The following PHF2 variants were observed in gnomAD, a reference collection of about 807,000 sequenced individuals.
The protein encoded by PHF2 is lysine-specific demethylase PHF2.
PHF2 carries 27 observed loss-of-function variants against 120.5 expected under a neutral mutation model. The observed-to-expected ratio is 0.22, with a 90% confidence interval of 0.17 to 0.31. PHF2 has a LOEUF of 0.31. Ranked by LOEUF, PHF2 falls within the 10% of genes least tolerant of loss-of-function variation. The pLI is 1.00. For missense variants in PHF2, 1,024 were observed against 1,434.8 expected (o/e 0.71, Z 4.63); for synonymous variants, 568 against 592.5 (o/e 0.96, Z 0.60).
intron 1 of PHF2, among the ~76,000 whole-genome samples, chr9:93,593,663 G>A (rs1825276254): frequency 6.6e-6 from 1 of 152,196 alleles, no homozygotes; most frequent in South Asian, 2.1e-4. Context: ...GTTGAATGAT[G>A]AAGTTGGGAT....
chr9:93,635,371 C>G (rs1192745615), intron 2 of PHF2, among the ~76,000 whole-genome samples: 1 of 152,084 alleles, frequency 6.6e-6, no homozygotes. Flanking sequence ...CTGCGCCCCC[C>G]ACCTTGCCTT....
chr9:93,627,777 T>C (rs1313834152), intron 1 of PHF2, among the ~76,000 whole-genome samples: 1 of 152,124 alleles, frequency 6.6e-6, no homozygotes, highest in East Asian at 1.9e-4. Context: ...TTTTCATCAT[T>C]GTGTTAATAT....
At chr9:93,637,672 G>A (rs1489286282) in intron 3 of PHF2, among the ~76,000 whole-genome samples, 1 of 152,174 alleles carries the variant, frequency 6.6e-6, no homozygotes, top group East Asian at 1.9e-4. Flanking sequence ...ATCCACATAG[G>A]TACTCTGTCT....
At chr9:93,598,155 G>A (rs566067448) in intron 1 of PHF2, among the ~76,000 whole-genome samples, 26 of 152,338 alleles carry the variant, frequency 1.7e-4, no homozygotes, top group Non-Finnish European at 3.2e-4. Flanking sequence ...CATCTGCCTG[G>A]TGACACCCCA....
rs142130095 is a variant in PHF2 at position 93,663,573 on chromosome 9, G to A, written c.1875G>A (p.Ser625=). 17 of 1,613,198 alleles carry A rather than the reference G, an allele frequency of 1.1e-5. No homozygotes were observed. The highest frequency in any genetic ancestry group is 2.2e-5 in the East Asian group (1 of 44,868). The change falls in exon 14 of 22, where the codon TCG becomes TCA. Residue 625 remains serine, a synonymous_variant. Transcript: ENST00000359246. ...KMEEEQKLEK[S]PLAGNKDNKF... ...AAGAGGAGCAGAAGCTAGAGAAGTC[G>A]CCTCTAGCTGGAAACAAAGACAATA... is the stretch of plus-strand genomic sequence containing the variant.
intron 16 of PHF2, 98 bp downstream of exon 16, chr9:93,666,158 T>G: frequency 7.7e-7 from 1 of 1,295,352 alleles, no homozygotes. Flanking sequence ...TCTGGGGGTG[T>G]TTCTGCATGA....
At chr9:93,606,459 A>G (rs903013376) in intron 1 of PHF2, among the ~76,000 whole-genome samples, 1 of 152,206 alleles carries the variant, frequency 6.6e-6, no homozygotes, top group African/African-American at 2.4e-5. Context: ...TCCCTGATGA[A>G]ATATAATGTG....
chr9:93,647,942 C>T (rs1470241831), intron 4 of PHF2, among the ~76,000 whole-genome samples: 5 of 152,052 alleles, frequency 3.3e-5, no homozygotes, highest in Non-Finnish European at 7.4e-5. Context: ...AATTCTAGTA[C>T]ATAGCTCTAG....
chr9:93,663,765 T>TGTCA (rs1446199940), intron 14 of PHF2, 130 bp downstream of exon 14: 1 of 484,310 alleles, frequency 2.1e-6, no homozygotes, highest in Non-Finnish European at 3.8e-6. Context: ...GCACTCTGCA[T>TGTCA]CTCACACACA....
intron 1 of PHF2, among the ~76,000 whole-genome samples, chr9:93,615,127 A>G (rs1222290282): frequency 6.6e-6 from 1 of 150,378 alleles, no homozygotes; most frequent in African/African-American, 2.5e-5. Context: ...GATGGCGATG[A>G]TGATGGTGAT....
chr9:93,582,944 G>A (rs557891861), intron 1 of PHF2, among the ~76,000 whole-genome samples: 27 of 152,336 alleles, frequency 1.8e-4, no homozygotes, highest in South Asian at 6.2e-4. Flanking sequence ...ATTTGAAAGT[G>A]TGAAGTTGAG....
chr9:93,674,036 C>G (rs149751532), intron 18 of PHF2, among the ~76,000 whole-genome samples, 174 bp downstream of exon 18: 1 of 152,190 alleles, frequency 6.6e-6, no homozygotes, highest in Non-Finnish European at 1.5e-5. Context: ...CGAGACTGGC[C>G]GGGGCCCACA....
In PHF2 at chr9:93,677,531, C is replaced by T. The variant is rs1826940972; in HGVS notation, c.3203-57C>T. ...GACCCTCCCCCCCACCGGCATGCCA[C>T]GCCCCTTGCCATCTAGCTTACCTTC... On this transcript the variant is annotated intron_variant, in intron 21 of 21. Transcript: ENST00000359246. This position sits in a 1 kb window ranked among gnomAD's most constrained non-coding sequence, Gnocchi z 4.4. 1.6e-5 allele frequency: 22 copies of T among 1,354,770 alleles called. No individual in the cohort carries two copies. Among genetic ancestry groups the T allele is most frequent in the East Asian group, 2.3e-5 (1 of 43,620 alleles). 83.9% of individuals were successfully genotyped at this position (1,354,770 alleles called of 1,614,324 possible).
chr9:93,584,985 T>C (rs1564371238), intron 1 of PHF2, among the ~76,000 whole-genome samples: 1 of 152,288 alleles, frequency 6.6e-6, no homozygotes, highest in Non-Finnish European at 1.5e-5. Flanking sequence ...TTTATTCTTT[T>C]GGACGCTATG....
At chr9:93,662,213 A>G (rs1454029169) in intron 12 of PHF2, among the ~76,000 whole-genome samples, 1 of 151,350 alleles carries the variant, frequency 6.6e-6, no homozygotes, top group Non-Finnish European at 1.5e-5. Context: ...ATGGATGGAT[A>G]GATGAACAAA....
rs149360551 is a variant in PHF2 at position 93,664,757 on chromosome 9, C to T, written c.1938-929C>T. Among the ~76,000 whole-genome samples, 20 of 152,330 alleles carry T rather than the reference C, an allele frequency of 1.3e-4. No homozygotes were observed. In the East Asian group the frequency reaches 2.5e-3, roughly 19 times the overall value. On this transcript the variant is annotated intron_variant, in intron 14 of 21. Coordinates refer to ENST00000359246, the MANE Select transcript of PHF2 (RefSeq NM_005392.4). ...TCTAGGTTCCTGGGAAGCTATTAAACGGCATTCACTCTGTGACGGTGCTAG... is the reference window on the plus strand; with the variant it reads ...TCTAGGTTCCTGGGAAGCTATTAAATGGCATTCACTCTGTGACGGTGCTAG...
chr9:93,649,359 C>A, intron 5 of PHF2, 147 bp downstream of exon 5: 26 of 214,738 alleles, frequency 1.2e-4, no homozygotes, highest in East Asian at 2.4e-4. Flanking sequence ...CTGTTTCTCT[C>A]TTTTAAATTT....
chr9:93,668,946 G>A (rs754197954), intron 17 of PHF2, among the ~76,000 whole-genome samples: 5 of 152,242 alleles, frequency 3.3e-5, no homozygotes, highest in Admixed American at 1.3e-4. Context: ...GGAAAAAACT[G>A]CTGAAGAAAA....
At chr9:93,583,636 G>C (rs898247356) in intron 1 of PHF2, among the ~76,000 whole-genome samples, 2 of 151,408 alleles carry the variant, frequency 1.3e-5, no homozygotes, top group African/African-American at 4.9e-5. Context: ...TTATGTTTTT[G>C]GCTAGCATTT....
Sources: gnomAD v4.1 joint callset for allele counts (sites outside exome capture counted in the v4.1 genomes callset) on GRCh38, gnomAD v4.1.1 for gene constraint, Gnocchi (gnomAD v3.1) non-coding constraint, MANE v1.5 for transcripts, NCBI Gene and HGNC (gene_info 2026-07-23, HGNC 2026-07-21) for gene names.